Variants in OLAH observed in about 807,000 individuals in gnomAD.
OLAH encodes S-acyl fatty acid synthase thioesterase, medium chain.
OLAH carries 33 observed loss-of-function variants against 27.8 expected under a neutral mutation model. The observed-to-expected ratio is 1.19, with a 90% confidence interval of 0.90 to 1.59. OLAH has a LOEUF of 1.59. Among genes scored for constraint, OLAH ranks in the 40% most tolerant of loss-of-function variants. The pLI is 0.00. For synonymous variants in OLAH, 120 were observed against 102.9 expected (o/e 1.17, Z -1.01); for missense variants, 359 against 310.8 (o/e 1.16, Z -1.17).
chr10:15,044,510 A>G (rs1417838468), intron 1 of OLAH, among the ~76,000 whole-genome samples: 2 of 151,684 alleles, frequency 1.3e-5, no homozygotes, highest in Non-Finnish European at 2.9e-5. Context: ...GCTGGAGTAC[A>G]ATGGTGCAAT....
At chr10:15,065,846 A>G in intron 6 of OLAH, 93 bp downstream of exon 6, 3 of 1,168,994 alleles carry the variant, frequency 2.6e-6, no homozygotes, top group Non-Finnish European at 3.6e-6. Flanking sequence ...TTATGTGGGA[A>G]GACAAAATTC....
intron 4 of OLAH, among the ~76,000 whole-genome samples, chr10:15,063,912 T>C (rs1844415905): frequency 6.6e-6 from 1 of 152,254 alleles, no homozygotes; most frequent in African/African-American, 2.4e-5. Flanking sequence ...CTCATTTCTG[T>C]CTCTGCATTC....
intron 1 of OLAH, among the ~76,000 whole-genome samples, chr10:15,038,109 C>G (rs1843869729): frequency 6.6e-6 from 1 of 152,234 alleles, no homozygotes; most frequent in African/African-American, 2.4e-5. Context: ...TTTGACCGCC[C>G]TGTTGGATTT....
chr10:15,050,212 GT>G (rs1844107668), intron 3 of OLAH, among the ~76,000 whole-genome samples: 1 of 152,202 alleles, frequency 6.6e-6, no homozygotes, highest in Non-Finnish European at 1.5e-5. Context: ...GAGGCCAGGA[GT>G]TCAAGACCAG....
chr10:15,061,070 A>G (rs796924408), intron 3 of OLAH, among the ~76,000 whole-genome samples: 15 of 152,254 alleles, frequency 9.9e-5, no homozygotes, highest in African/African-American at 3.6e-4. Flanking sequence ...CACTTTCTAT[A>G]AATTTGAAGT....
At chr10:15,063,008 G>C (rs1370549539) in intron 4 of OLAH, among the ~76,000 whole-genome samples, 1 of 152,018 alleles carries the variant, frequency 6.6e-6, no homozygotes, top group East Asian at 1.9e-4. Context: ...TAAAGTGCTG[G>C]GATTACAGGT....
At chr10:15,051,082 T>TATTATTA (rs200580018) in intron 3 of OLAH, among the ~76,000 whole-genome samples, 71 of 143,318 alleles carry the variant, frequency 5.0e-4, no homozygotes, top group African/African-American at 1.6e-3. Flanking sequence ...ATTATTATTT[T>TATTATTA]TTTTTTTTTT....
At chr10:15,033,054 TA>T (rs1167300782) in intron 1 of OLAH, among the ~76,000 whole-genome samples, 1 of 150,496 alleles carries the variant, frequency 6.6e-6, no homozygotes, top group Admixed American at 6.6e-5. Flanking sequence ...TTTTTTTTTT[TA>T]AAGTAGAGAT....
At chr10:15,064,281 ACTTTC>A (rs1844423286) in intron 4 of OLAH, 117 bp from the exon 5 acceptor site, 4 of 629,942 alleles carry the variant, frequency 6.3e-6, no homozygotes, top group Admixed American at 6.9e-5. Context: ...ATCAACTCAC[ACTTTC>A]CTTTCATCTA....
At chr10:15,064,856 C>A (rs1202688395) in intron 5 of OLAH, among the ~76,000 whole-genome samples, 1 of 152,110 alleles carries the variant, frequency 6.6e-6, no homozygotes, top group African/African-American at 2.4e-5. Context: ...GGGGTTTCAC[C>A]ATGTTGGCCA....
chr10:15,040,466 A>G (rs192575691), upstream of OLAH, among the ~76,000 whole-genome samples: 393 of 152,190 alleles, frequency 2.6e-3, 2 homozygotes, highest in African/African-American at 8.8e-3. Flanking sequence ...ATCACCAGTC[A>G]TCCCATAATT....
intron 1 of OLAH, among the ~76,000 whole-genome samples, chr10:15,032,676 T>A (rs1843778322): frequency 6.6e-6 from 1 of 151,820 alleles, no homozygotes; most frequent in Non-Finnish European, 1.5e-5. Flanking sequence ...AACTTGTTTT[T>A]CAAAGTGCTA....
intron 1 of OLAH, among the ~76,000 whole-genome samples, chr10:15,034,800 C>CTTT (rs1348025194): frequency 1.0e-5 from 1 of 96,924 alleles, no homozygotes; most frequent in Non-Finnish European, 2.1e-5. Context: ...TCTTTTCTTT[C>CTTT]TTTCTTTTTT....
chr10:15,045,757 AAGGAGCTCCT>A (rs1397306217), intron 1 of OLAH, among the ~76,000 whole-genome samples: 3 of 152,250 alleles, frequency 2.0e-5, no homozygotes, highest in African/African-American at 7.2e-5. Flanking sequence ...CTTGGGATCC[AAGGAGCTCCT>A]AGGAAGTCAG....
chr10:15,058,546 G>A (rs916879724), intron 3 of OLAH, among the ~76,000 whole-genome samples: 11 of 151,838 alleles, frequency 7.2e-5, no homozygotes, highest in Non-Finnish European at 8.8e-5. Flanking sequence ...TATCAATTTT[G>A]TGTAGAGCAG....
chr10:15,050,215 C>T (rs1428818595), intron 3 of OLAH, among the ~76,000 whole-genome samples: 1 of 152,162 alleles, frequency 6.6e-6, no homozygotes, highest in African/African-American at 2.4e-5. Context: ...GCCAGGAGTT[C>T]AAGACCAGTC....
At chr10:15,043,315 G>C (rs1843955334), upstream of OLAH, among the ~76,000 whole-genome samples, 1 of 152,064 alleles carries the variant, frequency 6.6e-6, no homozygotes, top group Non-Finnish European at 1.5e-5. Flanking sequence ...GCTTAGAAGG[G>C]TGCTTGGTCC....
chr10:15,045,014 C>G (rs1452187548), intron 1 of OLAH, among the ~76,000 whole-genome samples: 1 of 152,192 alleles, frequency 6.6e-6, no homozygotes, highest in African/African-American at 2.4e-5. Flanking sequence ...CTGTCCCACT[C>G]TCCCTCTTCT....
chr10:15,036,513 T>C lies in OLAH; in HGVS notation c.-164+4163T>C, dbSNP rs1367259975. Reference sequence around the variant, plus strand: ...ACTCTATCCCCCCAAAAAAGAGAGATGGGATCTCACTCTTGCCCATGCTGG... The same window carrying C: ...ACTCTATCCCCCCAAAAAAGAGAGACGGGATCTCACTCTTGCCCATGCTGG... On this transcript the variant is annotated intron_variant, in intron 1 of 3. Transcript: ENST00000413672. Among the ~76,000 whole-genome samples, 3 of 151,938 alleles carry C rather than the reference T, an allele frequency of 2.0e-5. No homozygotes were observed. In the East Asian group the frequency reaches 5.8e-4, roughly 29 times the overall value.
Sources: gnomAD v4.1 joint callset for allele counts (sites outside exome capture counted in the v4.1 genomes callset) on GRCh38, gnomAD v4.1.1 for gene constraint, MANE v1.5 for transcripts, NCBI Gene and HGNC (gene_info 2026-07-23, HGNC 2026-07-21) for gene names.